HTR7: variants seen among roughly 807,000 people sequenced by gnomAD.
HTR7 encodes 5-hydroxytryptamine receptor 7, also known as 5-HT-7.
HTR7 carries 16 observed loss-of-function variants against 34.0 expected under a neutral mutation model. The ratio of observed to expected loss-of-function variants is 0.47; its 90% confidence interval spans 0.32 to 0.71. HTR7 has a LOEUF of 0.71. HTR7 is among the 30% of genes least tolerant of loss of function. The probability of loss-of-function intolerance (pLI) is 0.04; values close to 1 mark genes in which losing one functional copy is unlikely to be tolerated. For synonymous variants in HTR7, 265 were observed against 260.2 expected, an observed-to-expected ratio of 1.02 and a Z score of -0.18; for missense variants, 504 against 625.5, an observed-to-expected ratio of 0.81 and a Z score of 2.07.
intron 1 of HTR7, among the ~76,000 whole-genome samples, chr10:90,831,950 C>T (rs183417200): frequency 3.3e-5 from 5 of 152,228 alleles, no homozygotes; most frequent in East Asian, 1.9e-4. Context: ...TACAGAGTGC[C>T]GATTGGCGCA....
chr10:90,753,798 T>C (rs955021619), intron 1 of HTR7, among the ~76,000 whole-genome samples: 21 of 152,082 alleles, frequency 1.4e-4, no homozygotes. Context: ...TACGTCTGTA[T>C]TTACTAACAC....
intron 1 of HTR7, among the ~76,000 whole-genome samples, chr10:90,809,938 G>A (rs573988602): frequency 1.3e-5 from 2 of 152,118 alleles, no homozygotes; most frequent in African/African-American, 2.4e-5. Context: ...AGACCATCAC[G>A]GACTCCGAGC....
intron 1 of HTR7, among the ~76,000 whole-genome samples, chr10:90,799,239 C>A (rs1845586922): frequency 1.3e-5 from 2 of 152,178 alleles, no homozygotes; most frequent in Non-Finnish European, 2.9e-5. Flanking sequence ...GCTCCCCACC[C>A]TGACACCCAC....
At chr10:90,787,501 A>G (rs970455730) in intron 1 of HTR7, among the ~76,000 whole-genome samples, 10 of 152,116 alleles carry the variant, frequency 6.6e-5, no homozygotes, top group Admixed American at 3.9e-4. Flanking sequence ...CAAAAAAAAT[A>G]AAAATAAAAA....
intron 1 of HTR7, among the ~76,000 whole-genome samples, chr10:90,852,793 G>A (rs983285733): frequency 6.6e-6 from 1 of 152,016 alleles, no homozygotes; most frequent in African/African-American, 2.4e-5. Context: ...TTCTAGCCAA[G>A]CAAAACCCCA....
intron 1 of HTR7, among the ~76,000 whole-genome samples, chr10:90,769,510 T>C (rs1028049075): frequency 7.2e-5 from 11 of 152,358 alleles, no homozygotes; most frequent in Middle Eastern, 3.4e-3. Flanking sequence ...ATTAAATTGC[T>C]TATCTGATCG....
intron 1 of HTR7, among the ~76,000 whole-genome samples, chr10:90,758,008 G>C (rs997666776): frequency 1.3e-5 from 2 of 152,144 alleles, no homozygotes; most frequent in Non-Finnish European, 1.5e-5. Context: ...AACATCATCA[G>C]GGCAGATCTA....
chr10:90,811,027 C>A (rs148697669), intron 1 of HTR7, among the ~76,000 whole-genome samples: 1,736 of 152,304 alleles, frequency 0.011, 34 homozygotes, highest in African/African-American at 0.039. Context: ...AGAAACCTAG[C>A]TGACCCCATA....
rs762698760 is a variant in HTR7 at position 90,749,522 on chromosome 10, G to A, written c.612C>T (p.Leu204=). Residue 204 remains leucine (L), a synonymous_variant, in exon 2 of 4, where the codon CTC becomes CTT. Transcript: ENST00000336152. This position sits in a 1 kb window ranked among gnomAD's most constrained non-coding sequence, Gnocchi z 4.2. The part of the protein sequence containing the change: ...QNGKCMAKMI[L]SVWLLSASIT... Reference sequence around the variant, plus strand: ...TGGAGGCGGAGAGAAGCCAGACGGAGAGAATCATCTTCGCCATGCATTTCC... The same window carrying A: ...TGGAGGCGGAGAGAAGCCAGACGGAAAGAATCATCTTCGCCATGCATTTCC... 2 of 1,614,118 alleles carry A rather than the reference G, an allele frequency of 1.2e-6. No individual in the cohort carries two copies. Among genetic ancestry groups the A allele is most frequent in the Admixed American group, 1.7e-5 (1 of 60,028 alleles).
Position 90,852,068 on chromosome 10 carries a change from A to T in HTR7, c.539+5065T>A, listed in dbSNP as rs186575904. On this transcript the variant is annotated intron_variant, in intron 1 of 3. Coordinates refer to ENST00000336152, the MANE Select transcript of HTR7 (RefSeq NM_019859.4). ...ACAGACTAATACATTCAGTAAAAAA[A>T]TAATGCTGGGCCGGGCATGATGGCT... 9.9e-4 allele frequency among the ~76,000 whole-genome samples: 151 copies of T among 152,170 alleles called. 1 individual carries two copies. The highest frequency in any genetic ancestry group is 3.4e-3 in the Middle Eastern group (1 of 294).
intron 1 of HTR7, among the ~76,000 whole-genome samples, chr10:90,804,855 A>G (rs1231099067): frequency 6.6e-6 from 1 of 151,898 alleles, no homozygotes; most frequent in Non-Finnish European, 1.5e-5. Context: ...TCCTCTTGCA[A>G]CCTCCAATGT....
intron 1 of HTR7, among the ~76,000 whole-genome samples, chr10:90,832,393 G>A (rs1217800851): frequency 3.9e-5 from 6 of 152,204 alleles, no homozygotes; most frequent in South Asian, 4.1e-4. Context: ...TGGGGGACCC[G>A]GCACACCCTC....
intron 1 of HTR7, among the ~76,000 whole-genome samples, chr10:90,821,122 A>ACACACATG (rs1845971972): frequency 8.1e-6 from 1 of 123,008 alleles, no homozygotes. Context: ...TCACACAAAC[A>ACACACATG]CACACACACA....
rs763079709 is a variant in HTR7 at position 90,857,156 on chromosome 10, G to C, written c.516C>G (p.Thr172=). ...DVMCCTASIM[T]LCVISIDRYL... Reference sequence around the variant, plus strand: ...ACCTGTCAATGCTGATCACGCACAGGGTCATGATCGAGGCCGTGCAGCACA... The same window carrying C: ...ACCTGTCAATGCTGATCACGCACAGCGTCATGATCGAGGCCGTGCAGCACA... The change falls in exon 1 of 4, where the codon ACC becomes ACG. Residue 172 remains threonine (T), a synonymous_variant. Coordinates refer to ENST00000336152, the MANE Select transcript of HTR7 (RefSeq NM_019859.4). This position sits in a 1 kb window ranked among gnomAD's most constrained non-coding sequence, Gnocchi z 6.5. 1.2e-6 allele frequency: 2 copies of C among 1,607,166 alleles called. No homozygotes were observed. Among genetic ancestry groups the C allele is most frequent in the Non-Finnish European group, 1.7e-6 (2 of 1,176,460 alleles).
At chr10:90,848,052 A>C (rs1425500205) in intron 1 of HTR7, among the ~76,000 whole-genome samples, 1 of 147,942 alleles carries the variant, frequency 6.8e-6, no homozygotes, top group Admixed American at 6.7e-5. Flanking sequence ...TCTAAAAGCA[A>C]TCACTCTCTC....
At chr10:90,812,238 T>C (rs1214039492) in intron 1 of HTR7, among the ~76,000 whole-genome samples, 2 of 146,766 alleles carry the variant, frequency 1.4e-5, no homozygotes, top group African/African-American at 5.2e-5. Flanking sequence ...CCAAAAAAAC[T>C]TGTCATCCCT....
intron 1 of HTR7, among the ~76,000 whole-genome samples, chr10:90,766,666 C>T (rs956529900): frequency 2.6e-5 from 4 of 152,118 alleles, no homozygotes; most frequent in African/African-American, 4.8e-5. Flanking sequence ...TGGTGGTATA[C>T]TTTCTTTTCT....
Position 90,742,338 on chromosome 10 carries a change from G to A in HTR7, c.*144C>T. 3 of 625,208 alleles carry A rather than the reference G, an allele frequency of 4.8e-6. No homozygotes were observed. Among genetic ancestry groups the A allele is most frequent in the South Asian group, 3.9e-5 (2 of 51,790 alleles). The allele number at this position is 625,208 out of a possible 1,614,324, so 38.7% of individuals were successfully genotyped here. A position where few individuals can be genotyped will look rare whatever the true frequency, so the allele number is the denominator to read the frequency against. The stretch of plus-strand genomic sequence containing the variant: ...CACCATCTCCCTCATAAGATAGTGT[G>A]TACAACAGATCACCCTGTTTGTCAT... On this transcript the variant is annotated 3_prime_UTR_variant, in exon 4 of 4. Transcript: ENST00000336152.
chr10:90,808,096 C>T (rs1845731787), intron 1 of HTR7, among the ~76,000 whole-genome samples: 1 of 152,200 alleles, frequency 6.6e-6, no homozygotes, highest in South Asian at 2.1e-4. Flanking sequence ...TTAATAATTG[C>T]AGATACGCCT....
Sources: allele counts gnomAD v4.1 joint callset (sites outside exome capture counted in the v4.1 genomes callset), GRCh38; gene constraint gnomAD v4.1.1; non-coding constraint Gnocchi (gnomAD v3.1); transcripts MANE v1.5; gene names NCBI Gene and HGNC (gene_info 2026-07-23, HGNC 2026-07-21).